The following KIAA0232 variants were observed in gnomAD, a reference collection of about 807,000 sequenced individuals.
KIAA0232 encodes KIAA0232, also known as uncharacterized protein KIAA0232.
A neutral mutation model predicts 122.0 loss-of-function variants in KIAA0232; 27 were observed. That is an observed-to-expected ratio of 0.22 (90% CI 0.16 to 0.31). The LOEUF (loss-of-function observed/expected upper bound fraction) is 0.31. Among genes scored for constraint, KIAA0232 ranks in the 10% least tolerant of loss-of-function variants. The pLI, the probability that KIAA0232 is intolerant of heterozygous loss-of-function variation, is 1.00. For synonymous variants in KIAA0232, 613 were observed against 587.6 expected (o/e 1.04, Z -0.63); for missense variants, 1,551 against 1,634.2 (o/e 0.95, Z 0.88).
chr4:6,874,567 C>T (rs1466735239), intron 8 of KIAA0232, among the ~76,000 whole-genome samples: 1 of 152,142 alleles, frequency 6.6e-6, no homozygotes, highest in Non-Finnish European at 1.5e-5. Context: ...GTAATGTAAG[C>T]GTCTGGATGA....
intron 1 of KIAA0232, among the ~76,000 whole-genome samples, chr4:6,787,702 T>G (rs925604610): frequency 1.3e-5 from 2 of 152,226 alleles, no homozygotes; most frequent in Non-Finnish European, 2.9e-5. Context: ...AGATAGTTAC[T>G]GTAGTCCTCC....
chr4:6,867,512 T>C (rs1217422573), intron 7 of KIAA0232, among the ~76,000 whole-genome samples: 2 of 152,168 alleles, frequency 1.3e-5, no homozygotes, highest in African/African-American at 4.8e-5. Context: ...GTGGTGAAAA[T>C]GTTCTTGTCG....
At chr4:6,867,332 A>G (rs1251625918) in intron 7 of KIAA0232, among the ~76,000 whole-genome samples, 1 of 152,198 alleles carries the variant, frequency 6.6e-6, no homozygotes, top group African/African-American at 2.4e-5. Context: ...GGACGGAGGC[A>G]GGGCAGTCCA....
chr4:6,827,350 T>C (rs534980360), intron 3 of KIAA0232, among the ~76,000 whole-genome samples: 5 of 152,322 alleles, frequency 3.3e-5, no homozygotes, highest in African/African-American at 1.2e-4. Context: ...GGTTCTCTTC[T>C]AGCAAGAGTA....
At chr4:6,798,079 A>AT (rs1717216417) in intron 1 of KIAA0232, among the ~76,000 whole-genome samples, 1 of 152,108 alleles carries the variant, frequency 6.6e-6, no homozygotes, top group East Asian at 1.9e-4. Flanking sequence ...AAAGAGAGAC[A>AT]TAAAAATGTT....
At chr4:6,798,846 C>G (rs182053425) in intron 1 of KIAA0232, among the ~76,000 whole-genome samples, 14 of 152,196 alleles carry the variant, frequency 9.2e-5, no homozygotes, top group African/African-American at 3.4e-4. Flanking sequence ...GCCACCGTGC[C>G]CAGCTGCTGT....
chr4:6,784,275 G>T (rs1461004727), intron 1 of KIAA0232, among the ~76,000 whole-genome samples: 2 of 152,136 alleles, frequency 1.3e-5, no homozygotes, highest in African/African-American at 4.8e-5. Flanking sequence ...CTGTTAGAAA[G>T]CTCGTGAGGG....
chr4:6,785,114 T>C (rs1482333565), intron 1 of KIAA0232, among the ~76,000 whole-genome samples: 1 of 152,108 alleles, frequency 6.6e-6, no homozygotes, highest in African/African-American at 2.4e-5. Flanking sequence ...ATTTTTTGCA[T>C]TTTTAGTAGA....
intron 3 of KIAA0232, among the ~76,000 whole-genome samples, chr4:6,840,547 C>T: frequency 1.3e-5 from 2 of 152,146 alleles, no homozygotes; most frequent in East Asian, 3.8e-4. Context: ...AGAACTCTAG[C>T]CTTACGTGAC....
At chr4:6,825,126 T>G (rs867362579) in intron 3 of KIAA0232, among the ~76,000 whole-genome samples, 3 of 152,362 alleles carry the variant, frequency 2.0e-5, no homozygotes, top group South Asian at 2.1e-4. Context: ...TTTATCTGCT[T>G]ATTAGTCAGT....
At chr4:6,819,765 G>T (rs1258377311) in intron 2 of KIAA0232, among the ~76,000 whole-genome samples, 1 of 152,000 alleles carries the variant, frequency 6.6e-6, no homozygotes. Context: ...TCTCAGAAAA[G>T]AAATTATTCT....
intron 8 of KIAA0232, among the ~76,000 whole-genome samples, 170 bp from the exon 9 acceptor site, chr4:6,876,490 C>T (rs1001011213): frequency 1.3e-5 from 2 of 152,112 alleles, no homozygotes; most frequent in African/African-American, 4.8e-5. Flanking sequence ...TTCTCTTACA[C>T]ACCTGCCTGG....
chr4:6,821,588 GTA>G (rs1288971991), intron 2 of KIAA0232, among the ~76,000 whole-genome samples: 1 of 151,738 alleles, frequency 6.6e-6, no homozygotes, highest in Admixed American at 6.6e-5. Flanking sequence ...AGTCCATGGT[GTA>G]TATATATACA....
chr4:6,855,592 TAATA>T lies in KIAA0232; in HGVS notation c.370-1567_370-1564del, dbSNP rs1357536586. Among the ~76,000 whole-genome samples, 4 of 152,180 alleles carry T rather than the reference TAATA, an allele frequency of 2.6e-5. No homozygotes were observed. The highest frequency in any genetic ancestry group is 2.0e-4 in the Admixed American group (3 of 15,274). On this transcript the variant is annotated intron_variant, in intron 4 of 9. Coordinates refer to ENST00000307659, the MANE Select transcript of KIAA0232 (RefSeq NM_014743.3). This position sits in a 1 kb window ranked among gnomAD's most constrained non-coding sequence, Gnocchi z 4.3. ...ATAGTATACATATTTACTCATATAT[TAATA>T]AATATATGTGTGTATATGTAATTAA...
At chr4:6,841,758 A>G (rs1719673824) in intron 3 of KIAA0232, among the ~76,000 whole-genome samples, 1 of 152,216 alleles carries the variant, frequency 6.6e-6, no homozygotes. Flanking sequence ...AAAGTGCAAG[A>G]CTTGTGCACC....
intron 3 of KIAA0232, among the ~76,000 whole-genome samples, chr4:6,834,339 G>A (rs971841788): frequency 1.3e-5 from 2 of 152,064 alleles, no homozygotes; most frequent in Non-Finnish European, 2.9e-5. Context: ...ATCATTTTAT[G>A]TACTGATAAT....
intron 3 of KIAA0232, among the ~76,000 whole-genome samples, chr4:6,825,842 A>G (rs894320630): frequency 5.9e-5 from 9 of 152,200 alleles, no homozygotes; most frequent in African/African-American, 2.2e-4. Flanking sequence ...CGTTACCCAC[A>G]CTGAGAGCAG....
intron 1 of KIAA0232, among the ~76,000 whole-genome samples, chr4:6,789,793 G>A (rs929870307): frequency 1.3e-5 from 2 of 152,164 alleles, no homozygotes; most frequent in South Asian, 2.1e-4. Flanking sequence ...TTGGGAAAGC[G>A]AGGTGGGAGG....
chr4:6,809,501 T>G (rs1450071189), intron 2 of KIAA0232, among the ~76,000 whole-genome samples: 2 of 152,186 alleles, frequency 1.3e-5, no homozygotes, highest in Non-Finnish European at 2.9e-5. Flanking sequence ...GATGAGTGAT[T>G]ACCCTGATCA....
Sources: allele counts gnomAD v4.1 joint callset (sites outside exome capture counted in the v4.1 genomes callset), GRCh38; gene constraint gnomAD v4.1.1; non-coding constraint Gnocchi (gnomAD v3.1); transcripts MANE v1.5; gene names NCBI Gene and HGNC (gene_info 2026-07-23, HGNC 2026-07-21).